Variants in XPR1 observed in about 807,000 individuals in gnomAD.
XPR1 encodes the protein xenotropic and polytropic retrovirus receptor 1, also known as solute carrier family 53 member 1.
In XPR1, 28 loss-of-function variants were observed where a neutral mutation model predicts 87.5. The ratio of observed to expected loss-of-function variants is 0.32; its 90% CI spans 0.24 to 0.44. XPR1 has a LOEUF of 0.44. XPR1 is among the 20% of genes least tolerant of loss of function. The pLI, the probability that XPR1 is intolerant of heterozygous loss-of-function variation, is 1.00. For missense variants in XPR1, 559 were observed against 862.3 expected, an observed-to-expected ratio of 0.65 and a Z score of 4.41; for synonymous variants, 300 against 306.1, an observed-to-expected ratio of 0.98 and a Z score of 0.21.
intron 3 of XPR1, among the ~76,000 whole-genome samples, chr1:180,798,177 A>T (rs1377330046): frequency 6.6e-6 from 1 of 152,116 alleles, no homozygotes; most frequent in Non-Finnish European, 1.5e-5. Context: ...TATATCTAAT[A>T]TGATTAAAAA....
intron 1 of XPR1, among the ~76,000 whole-genome samples, chr1:180,641,549 C>T (rs1654961987): frequency 6.6e-6 from 1 of 152,102 alleles, no homozygotes; most frequent in South Asian, 2.1e-4. Flanking sequence ...TTGTGTTCAT[C>T]TCAGTTATAG....
At chr1:180,720,941 A>T (rs1658161662) in intron 2 of XPR1, among the ~76,000 whole-genome samples, 1 of 152,158 alleles carries the variant, frequency 6.6e-6, no homozygotes, top group Non-Finnish European at 1.5e-5. Flanking sequence ...ATGTCATTCA[A>T]ATTTAGAAGG....
At chr1:180,688,471 C>T (rs140402860) in intron 2 of XPR1, among the ~76,000 whole-genome samples, 47 of 152,090 alleles carry the variant, frequency 3.1e-4, no homozygotes, top group African/African-American at 1.1e-3. Flanking sequence ...ATATAGAATA[C>T]ATGGCAGTAG....
intron 1 of XPR1, among the ~76,000 whole-genome samples, chr1:180,637,797 G>A (rs573140562): frequency 1.3e-5 from 2 of 152,202 alleles, no homozygotes; most frequent in South Asian, 4.1e-4. Flanking sequence ...CACGTGATCC[G>A]CCTGCCTCAG....
chr1:180,651,864 A>T (rs1655302010), intron 1 of XPR1, among the ~76,000 whole-genome samples: 1 of 152,218 alleles, frequency 6.6e-6, no homozygotes, highest in South Asian at 2.1e-4. Context: ...CTCTAAAATA[A>T]TTCAATAAAA....
chr1:180,716,614 C>G (rs1658003361), intron 2 of XPR1, among the ~76,000 whole-genome samples: 1 of 152,132 alleles, frequency 6.6e-6, no homozygotes, highest in South Asian at 2.1e-4. Flanking sequence ...ATTTTTGGCT[C>G]TTACCATCAG....
intron 2 of XPR1, among the ~76,000 whole-genome samples, chr1:180,721,191 A>G (rs1408238723): frequency 6.6e-6 from 1 of 151,738 alleles, no homozygotes; most frequent in African/African-American, 2.4e-5. Context: ...ATGGCACTGT[A>G]GCCTGGGTGA....
intron 2 of XPR1, among the ~76,000 whole-genome samples, chr1:180,760,080 C>T (rs1447059453): frequency 2.0e-5 from 3 of 152,106 alleles, no homozygotes; most frequent in Non-Finnish European, 2.9e-5. Flanking sequence ...ATGCTAAAAA[C>T]GCTCAATAAA....
chr1:180,640,573 C>T (rs1425440287), intron 1 of XPR1, among the ~76,000 whole-genome samples: 1 of 152,226 alleles, frequency 6.6e-6, no homozygotes, highest in South Asian at 2.1e-4. Context: ...GCACCGCTGA[C>T]CTTTCTACAG....
chr1:180,748,674 T>A (rs944184147), intron 2 of XPR1, among the ~76,000 whole-genome samples: 6 of 152,002 alleles, frequency 3.9e-5, no homozygotes, highest in Admixed American at 3.9e-4. Context: ...CACCTCAGCC[T>A]CCCAAAGTGC....
intron 13 of XPR1, 21 bp downstream of exon 13, chr1:180,873,963 TTTA>T (rs781488470): frequency 1.2e-6 from 2 of 1,601,904 alleles, no homozygotes; most frequent in Admixed American, 3.5e-5. Flanking sequence ...TACTGAAAAG[TTTA>T]TTAAAGATTC....
rs1349741790 is a variant in XPR1, at chr1:180,682,223, A to G, written c.70-137A>G. 1.2e-5 allele frequency: 6 copies of G among 507,844 alleles called. No homozygotes were observed. The East Asian group carries it at 2.1e-4, about 18-fold the overall frequency. 31.5% of individuals were successfully genotyped at this position (507,844 alleles called of 1,614,324 possible). ...ATAATGTTTGGATTTTAGTTTATAA[A>G]TGTTAATTGAAGTATTTATCAATTT... On this transcript the variant is annotated intron_variant, in intron 1 of 14. Coordinates refer to ENST00000367590, the MANE Select transcript of XPR1 (RefSeq NM_004736.4).
At chr1:180,841,499 C>T (rs967892688) in intron 11 of XPR1, among the ~76,000 whole-genome samples, 2 of 152,046 alleles carry the variant, frequency 1.3e-5, no homozygotes, top group Non-Finnish European at 2.9e-5. Context: ...AGACTCTTAA[C>T]ATGCTACGTA....
intron 2 of XPR1, among the ~76,000 whole-genome samples, chr1:180,702,359 A>C (rs1475146574): frequency 6.9e-6 from 1 of 144,614 alleles, no homozygotes; most frequent in Admixed American, 7.0e-5. Context: ...ACTTCCAACT[A>C]TGTGGTCAAT....
intron 2 of XPR1, among the ~76,000 whole-genome samples, chr1:180,707,280 C>T (rs1657590507): frequency 6.6e-6 from 1 of 152,148 alleles, no homozygotes; most frequent in Non-Finnish European, 1.5e-5. Flanking sequence ...TAGATTATTT[C>T]ATCAACCAGG....
intron 3 of XPR1, among the ~76,000 whole-genome samples, chr1:180,801,170 G>A (rs1372361535): frequency 6.6e-6 from 1 of 152,228 alleles, no homozygotes; most frequent in African/African-American, 2.4e-5. Context: ...AATGTGCATT[G>A]CAATCAGGGA....
chr1:180,664,251 G>A (rs989382688), intron 1 of XPR1, among the ~76,000 whole-genome samples: 3 of 152,110 alleles, frequency 2.0e-5, no homozygotes, highest in African/African-American at 4.8e-5. Flanking sequence ...CGGCTTACAC[G>A]TGAAGCCAGC....
intron 1 of XPR1, among the ~76,000 whole-genome samples, chr1:180,641,795 G>A (rs1013120363): frequency 2.6e-5 from 4 of 152,170 alleles, no homozygotes; most frequent in Admixed American, 6.5e-5. Context: ...TACCTGGTCA[G>A]AGTCTCATGA....
At chr1:180,733,049 C>T (rs1658610206) in intron 2 of XPR1, among the ~76,000 whole-genome samples, 1 of 152,190 alleles carries the variant, frequency 6.6e-6, no homozygotes, top group African/African-American at 2.4e-5. Flanking sequence ...CGGTGCATGT[C>T]GGTGCATTCC....
Sources: gnomAD v4.1 joint callset for allele counts (sites outside exome capture counted in the v4.1 genomes callset) on GRCh38, gnomAD v4.1.1 for gene constraint, MANE v1.5 for transcripts, NCBI Gene and HGNC (gene_info 2026-07-23, HGNC 2026-07-21) for gene names.